The following ENOPH1 variants were observed in gnomAD, a reference collection of about 807,000 sequenced individuals.
The protein encoded by ENOPH1 is enolase-phosphatase 1, also known as enolase-phosphatase E1.
In ENOPH1, 14 loss-of-function variants were observed where a neutral mutation model predicts 31.1. The ratio of observed to expected loss-of-function variants is 0.45; its 90% CI spans 0.30 to 0.70. The LOEUF (loss-of-function observed/expected upper bound fraction) is 0.70, where lower values mean the gene tolerates loss of function less well. Among genes scored for constraint, ENOPH1 ranks in the 30% least tolerant of loss-of-function variants. The pLI is 0.09. For synonymous variants in ENOPH1, 127 were observed against 123.2 expected (o/e 1.03, Z -0.21); for missense variants, 243 against 321.5 (o/e 0.76, Z 1.87).
intron 1 of ENOPH1, among the ~76,000 whole-genome samples, chr4:82,440,323 G>C (rs927385008): frequency 2.0e-5 from 3 of 152,148 alleles, no homozygotes; most frequent in Non-Finnish European, 4.4e-5. Context: ...AATTTCCATA[G>C]AGAATATGCT....
At chr4:82,436,421 C>G (rs1437406178) in intron 1 of ENOPH1, among the ~76,000 whole-genome samples, 1 of 152,130 alleles carries the variant, frequency 6.6e-6, no homozygotes, top group African/African-American at 2.4e-5. Flanking sequence ...CTTGGTGGCT[C>G]ACACTTGTAA....
intron 5 of ENOPH1, 26 bp from the exon 6 acceptor site, chr4:82,459,955 C>T: frequency 6.2e-7 from 1 of 1,611,758 alleles, no homozygotes. Flanking sequence ...GTTTCTGACA[C>T]ACACACATCC....
intron 1 of ENOPH1, 135 bp downstream of exon 1, chr4:82,431,048 G>A (rs1200913707): frequency 2.6e-6 from 2 of 758,076 alleles, no homozygotes; most frequent in South Asian, 1.6e-5. Flanking sequence ...GAATGGGGAG[G>A]AAGGAGAGAA....
intron 1 of ENOPH1, among the ~76,000 whole-genome samples, chr4:82,442,805 A>G (rs1722074398): frequency 6.6e-6 from 1 of 152,204 alleles, no homozygotes; most frequent in Non-Finnish European, 1.5e-5. Flanking sequence ...ATTTATATTT[A>G]GGAACCATCA....
intron 5 of ENOPH1, 150 bp from the exon 6 acceptor site, chr4:82,459,831 C>G (rs1722598591): frequency 1.4e-6 from 1 of 711,568 alleles, no homozygotes; most frequent in South Asian, 1.9e-5. Flanking sequence ...ATAGTCAACC[C>G]CAGGGTGCCC....
Position 82,435,178 on chromosome 4 carries a change from C to T in ENOPH1, c.84+4265C>T, listed in dbSNP as rs530484801. Among the ~76,000 whole-genome samples the T allele has an allele frequency of 1.3e-4, 20 of 152,228 alleles. No homozygotes were observed. The South Asian group carries it at 1.9e-3, about 14-fold the overall frequency. ...GTACAGTGGCACGATCACAGCTCAC[C>T]GCAACCTCGACCTCTCAGGCTTAAG... On this transcript the variant is annotated intron_variant, in intron 1 of 5. Transcript: ENST00000273920.
chr4:82,446,583 T>TAGA (rs1033166937), intron 1 of ENOPH1, among the ~76,000 whole-genome samples: 6 of 150,028 alleles, frequency 4.0e-5, no homozygotes, highest in African/African-American at 1.5e-4. Context: ...AAAGCGGAGG[T>TAGA]AGAAGCCTGA....
chr4:82,451,920 C>A (rs1722362341), intron 3 of ENOPH1, among the ~76,000 whole-genome samples: 2 of 152,032 alleles, frequency 1.3e-5, no homozygotes, highest in South Asian at 4.1e-4. Context: ...GTAGCTGGGA[C>A]TAGGCATGTG....
intron 5 of ENOPH1, among the ~76,000 whole-genome samples, chr4:82,459,732 C>A (rs546888471): frequency 6.6e-6 from 1 of 152,266 alleles, no homozygotes; most frequent in East Asian, 1.9e-4. Context: ...GTGTAGGATA[C>A]ACTGCCATTC....
At chr4:82,449,247 A>C (rs1722282680) in intron 2 of ENOPH1, among the ~76,000 whole-genome samples, 1 of 152,286 alleles carries the variant, frequency 6.6e-6, no homozygotes, top group East Asian at 1.9e-4. Flanking sequence ...CTCAAAAAAA[A>C]AGAGTCCTTT....
chr4:82,452,160 C>T (rs954883272), intron 3 of ENOPH1, among the ~76,000 whole-genome samples: 4 of 151,880 alleles, frequency 2.6e-5, no homozygotes, highest in Non-Finnish European at 2.9e-5. Flanking sequence ...CTCACTGTAG[C>T]CTTCAAGTGA....
chr4:82,432,099 A>G (rs1334119136), intron 1 of ENOPH1, among the ~76,000 whole-genome samples: 1 of 152,014 alleles, frequency 6.6e-6, no homozygotes, highest in African/African-American at 2.4e-5. Context: ...TATTTTTTGT[A>G]GAGACGGGGT....
intron 1 of ENOPH1, among the ~76,000 whole-genome samples, chr4:82,439,446 C>T (rs1721987339): frequency 6.6e-6 from 1 of 152,194 alleles, no homozygotes; most frequent in Admixed American, 6.5e-5. Context: ...CCAGCTCTCT[C>T]TGGACTGGTC....
At chr4:82,434,651 T>A (rs905988526) in intron 1 of ENOPH1, among the ~76,000 whole-genome samples, 1 of 151,884 alleles carries the variant, frequency 6.6e-6, no homozygotes, top group South Asian at 2.1e-4. Flanking sequence ...GAGGTGGAGG[T>A]TGCAGTGAGC....
chr4:82,446,436 A>G (rs1349243083), intron 1 of ENOPH1, among the ~76,000 whole-genome samples: 1 of 150,522 alleles, frequency 6.6e-6, no homozygotes, highest in Non-Finnish European at 1.5e-5. Context: ...AAAAAAAAGA[A>G]CATATTAAGT....
chr4:82,450,954 A>G, intron 2 of ENOPH1, 89 bp from the exon 3 acceptor site: 1 of 1,043,760 alleles, frequency 9.6e-7, no homozygotes, highest in African/African-American at 1.6e-5. Context: ...TGATGGAGAA[A>G]GTTGTTCTGC....
Position 82,455,603 on chromosome 4 carries a change from AC to A in ENOPH1, c.522+753del, listed in dbSNP as rs1415524030. 3.4e-5 allele frequency among the ~76,000 whole-genome samples: 5 copies of A among 147,752 alleles called. No individual in the cohort carries two copies. The Admixed American group carries it at 3.5e-4, about 10-fold the overall frequency. ...AGACCATCCTGGCTAACATGGTGAA[AC>A]CCCGTCTCTACTAAAAATACAAAAA... On this transcript the variant is annotated intron_variant, in intron 4 of 5. Transcript: ENST00000273920.
chr4:82,448,564 A>C (rs1173591969), intron 2 of ENOPH1, among the ~76,000 whole-genome samples: 1 of 148,252 alleles, frequency 6.7e-6, no homozygotes, highest in Non-Finnish European at 1.5e-5. Flanking sequence ...CCCCCAGCCC[A>C]CCCAAAAAGG....
chr4:82,453,126 C>T (rs1722397512), intron 3 of ENOPH1, among the ~76,000 whole-genome samples: 1 of 152,118 alleles, frequency 6.6e-6, no homozygotes. Flanking sequence ...TGCTCTCGAT[C>T]TCCTGACCTT....
Sources: allele counts gnomAD v4.1 joint callset (sites outside exome capture counted in the v4.1 genomes callset), GRCh38; gene constraint gnomAD v4.1.1; transcripts MANE v1.5; gene names NCBI Gene and HGNC (gene_info 2026-07-23, HGNC 2026-07-21).